Variants in XYLB observed in about 807,000 individuals in gnomAD.
XYLB encodes xylulose kinase.
In XYLB, 62 loss-of-function variants were observed where a neutral mutation model predicts 78.7. The observed-to-expected ratio is 0.79, with a 90% CI of 0.64 to 0.97. The LOEUF is 0.97. Among genes scored for constraint, XYLB ranks in the 50% least tolerant of loss-of-function variants. XYLB has a pLI of 0.00. For synonymous variants in XYLB, 245 were observed against 247.4 expected (o/e 0.99, Z 0.09); for missense variants, 687 against 676.8 (o/e 1.02, Z -0.17).
At chr3:38,431,596 G>A in the XYLB span, among the ~76,000 whole-genome samples, 2 of 152,224 alleles carry the variant, frequency 1.3e-5, no homozygotes, top group Non-Finnish European at 2.9e-5. Context: ...TGTTGAATAG[G>A]AGTGGTGAGA....
At chr3:38,410,799 A>G (rs1185565310) in intron 18 of XYLB, among the ~76,000 whole-genome samples, 1 of 151,984 alleles carries the variant, frequency 6.6e-6, no homozygotes, top group Non-Finnish European at 1.5e-5. Flanking sequence ...ATCACTGGCC[A>G]TCAGAGAAAT....
At chr3:38,450,349 C>G in the XYLB span, among the ~76,000 whole-genome samples, 2 of 152,136 alleles carry the variant, frequency 1.3e-5, no homozygotes, top group African/African-American at 4.8e-5. Context: ...TATATAGATG[C>G]CAAGTCTTAT....
chr3:38,449,978 AAAAT>A, the XYLB span, among the ~76,000 whole-genome samples: 2 of 152,214 alleles, frequency 1.3e-5, no homozygotes, highest in Non-Finnish European at 1.5e-5. Flanking sequence ...GTCTAGGAAG[AAAAT>A]AAATAAGGCA....
intron 15 of XYLB, among the ~76,000 whole-genome samples, chr3:38,388,303 A>C (rs1175563698): frequency 6.6e-6 from 1 of 151,968 alleles, no homozygotes; most frequent in Non-Finnish European, 1.5e-5. Flanking sequence ...AACATATTCA[A>C]GAGATTTATT....
chr3:38,348,735 A>G (rs1705203119), intron 2 of XYLB, 103 bp downstream of exon 2: 2 of 1,040,914 alleles, frequency 1.9e-6, no homozygotes, highest in Admixed American at 1.8e-5. Flanking sequence ...TTTGCCAAAT[A>G]CAGGAGTGGT....
At chr3:38,356,483 ACTCT>A (rs1310583800) in intron 2 of XYLB, 1 of 151,808 alleles carries the variant, frequency 6.6e-6, no homozygotes, top group Non-Finnish European at 1.5e-5. Flanking sequence ...ACCACAATCA[ACTCT>A]CTATCTCTGG....
chr3:38,351,998 G>A lies in XYLB; in HGVS notation c.140+3366G>A, dbSNP rs181282084. Among the ~76,000 whole-genome samples the A allele has an allele frequency of 3.9e-4, 60 of 152,238 alleles. 3 individuals carry two copies. In the South Asian group the frequency reaches 0.011, roughly 28 times the overall value. Reference sequence around the variant, plus strand: ...ATGAGAGTCACATACAAGTCTTTTCGTGGACATATGATTTCATTTTTCTTG... The same window carrying A: ...ATGAGAGTCACATACAAGTCTTTTCATGGACATATGATTTCATTTTTCTTG... On this transcript the variant is annotated intron_variant, in intron 2 of 18. Transcript: ENST00000207870.
At chr3:38,427,429 T>C in the XYLB span, among the ~76,000 whole-genome samples, 1 of 152,226 alleles carries the variant, frequency 6.6e-6, no homozygotes, top group Non-Finnish European at 1.5e-5. Flanking sequence ...GTACTTGTAG[T>C]GAAAGAATTC....
the XYLB span, among the ~76,000 whole-genome samples, chr3:38,444,100 AG>A: frequency 6.6e-6 from 1 of 152,206 alleles, no homozygotes; most frequent in Non-Finnish European, 1.5e-5. Flanking sequence ...ATTAAAGGCC[AG>A]GGTTTGATCT....
chr3:38,418,324 G>T (rs1310510681), downstream of XYLB, among the ~76,000 whole-genome samples: 1 of 151,910 alleles, frequency 6.6e-6, no homozygotes, highest in Non-Finnish European at 1.5e-5. Context: ...ATAAAATTCT[G>T]TGTTACCATG....
chr3:38,419,450 G>A (rs1708901963), downstream of XYLB, among the ~76,000 whole-genome samples: 1 of 151,124 alleles, frequency 6.6e-6, no homozygotes, highest in Admixed American at 6.6e-5. Context: ...GAATCATATA[G>A]TAATTCTGTT....
intron 15 of XYLB, among the ~76,000 whole-genome samples, chr3:38,380,793 T>C (rs911693527): frequency 6.6e-6 from 1 of 152,222 alleles, no homozygotes; most frequent in Non-Finnish European, 1.5e-5. Context: ...TGCCCATTAA[T>C]AGTAGACAGA....
chr3:38,369,853 G>T (rs193200166), intron 8 of XYLB, among the ~76,000 whole-genome samples: 1 of 152,248 alleles, frequency 6.6e-6, no homozygotes, highest in Non-Finnish European at 1.5e-5. Flanking sequence ...TTTGGAGGAG[G>T]TGTGGTGCCG....
chr3:38,370,240 G>GCACACACACATACACA, intron 9 of XYLB, 66 bp downstream of exon 9: 1 of 646,400 alleles, frequency 1.5e-6, no homozygotes, highest in East Asian at 2.7e-5. Context: ...GCACTGTAGC[G>GCACACACACATACACA]CACACACACA....
chr3:38,378,248 T>C (rs1012805376), intron 14 of XYLB, among the ~76,000 whole-genome samples: 4 of 152,248 alleles, frequency 2.6e-5, no homozygotes, highest in Non-Finnish European at 5.9e-5. Flanking sequence ...TTCATGCATA[T>C]CAATCCTAGA....
chr3:38,403,963 A>T (rs142985298), intron 18 of XYLB, among the ~76,000 whole-genome samples: 1 of 152,250 alleles, frequency 6.6e-6, no homozygotes, highest in East Asian at 1.9e-4. Flanking sequence ...TATGTGACTT[A>T]TATGCAGACT....
At chr3:38,431,073 T>A in the XYLB span, among the ~76,000 whole-genome samples, 15 of 152,322 alleles carry the variant, frequency 9.8e-5, no homozygotes, top group East Asian at 3.9e-4. Context: ...TTAAAGTAGT[T>A]TTTTCCAATT....
At chr3:38,360,533 G>A (rs1248205776) in intron 3 of XYLB, 125 bp downstream of exon 3, 2 of 817,612 alleles carry the variant, frequency 2.4e-6, no homozygotes, top group African/African-American at 3.5e-5. Context: ...GTCCTCATGG[G>A]AAGGTGGAGT....
At chr3:38,347,598 C>G (rs1705138531) in intron 1 of XYLB, among the ~76,000 whole-genome samples, 1 of 152,102 alleles carries the variant, frequency 6.6e-6, no homozygotes, top group South Asian at 2.1e-4. Flanking sequence ...ATCGCTTGAG[C>G]CCAGGAGGTG....
Sources: allele counts gnomAD v4.1 joint callset (sites outside exome capture counted in the v4.1 genomes callset), GRCh38; gene constraint gnomAD v4.1.1; transcripts MANE v1.5; gene names NCBI Gene and HGNC (gene_info 2026-07-23, HGNC 2026-07-21).